Variants in MTUS2 observed in about 807,000 individuals in gnomAD.
MTUS2 encodes microtubule associated scaffold protein 2.
A neutral mutation model predicts 114.1 loss-of-function variants in MTUS2; 40 were observed. That is an observed-to-expected ratio of 0.35 (90% confidence interval 0.27 to 0.46). The LOEUF (loss-of-function observed/expected upper bound fraction) is 0.46. MTUS2 is among the 20% of genes least tolerant of loss of function. MTUS2 has a pLI of 1.00. For synonymous variants in MTUS2, 688 were observed against 672.0 expected (o/e 1.02, Z -0.37); for missense variants, 1,679 against 1,705.4 (o/e 0.98, Z 0.27).
chr13:29,407,785 G>A (rs1475027869), intron 8 of MTUS2, among the ~76,000 whole-genome samples: 1 of 151,952 alleles, frequency 6.6e-6, no homozygotes, highest in Non-Finnish European at 1.5e-5. Flanking sequence ...GGCCCTGATT[G>A]TACTAATTTA....
At chr13:29,314,046 A>G (rs986833972) in intron 6 of MTUS2, among the ~76,000 whole-genome samples, 1 of 152,186 alleles carries the variant, frequency 6.6e-6, no homozygotes, top group African/African-American at 2.4e-5. Flanking sequence ...GGAACTTAAA[A>G]AAAAATGTGC....
intron 5 of MTUS2, among the ~76,000 whole-genome samples, chr13:29,114,436 A>G (rs929561026): frequency 6.6e-6 from 1 of 152,236 alleles, no homozygotes; most frequent in African/African-American, 2.4e-5. Context: ...CCTCATATGT[A>G]AGAGCAGCAG....
chr13:29,114,359 T>G (rs917222213), intron 5 of MTUS2, among the ~76,000 whole-genome samples: 1 of 152,184 alleles, frequency 6.6e-6, no homozygotes, highest in Admixed American at 6.5e-5. Flanking sequence ...AAGTTCATAC[T>G]GTTGATCAGA....
intron 7 of MTUS2, among the ~76,000 whole-genome samples, chr13:29,347,759 G>T (rs1355513179): frequency 1.3e-5 from 2 of 152,198 alleles, no homozygotes; most frequent in East Asian, 3.9e-4. Context: ...AGGTGTGTAT[G>T]TGACCCACAC....
At chr13:29,381,841 C>G (rs1397003175) in intron 8 of MTUS2, among the ~76,000 whole-genome samples, 1 of 146,104 alleles carries the variant, frequency 6.8e-6, no homozygotes, top group Non-Finnish European at 1.5e-5. Context: ...GAACCTCTCC[C>G]TATTTTGATC....
chr13:28,838,646 C>G (rs964267605), intron 1 of MTUS2, among the ~76,000 whole-genome samples: 4 of 152,170 alleles, frequency 2.6e-5, no homozygotes, highest in African/African-American at 7.2e-5. Flanking sequence ...TTTCACCTGC[C>G]CCTGTTAGAG....
intron 4 of MTUS2, among the ~76,000 whole-genome samples, chr13:29,065,749 C>T (rs1307725869): frequency 2.0e-5 from 3 of 152,170 alleles, no homozygotes; most frequent in Non-Finnish European, 4.4e-5. Context: ...AGTCTCACCC[C>T]AGATTCTCTA....
intron 8 of MTUS2, among the ~76,000 whole-genome samples, chr13:29,366,561 C>T (rs1400764515): frequency 2.0e-5 from 3 of 152,212 alleles, no homozygotes; most frequent in Admixed American, 6.5e-5. Context: ...TCTGCCCTTC[C>T]TCAGGGGGTA....
intron 6 of MTUS2, among the ~76,000 whole-genome samples, chr13:29,305,706 G>A (rs189896643): frequency 6.6e-6 from 1 of 152,132 alleles, no homozygotes; most frequent in Non-Finnish European, 1.5e-5. Flanking sequence ...TCTACTAGAT[G>A]TACAAAGAAG....
rs142349132 is a variant in MTUS2, at chr13:28,960,806, C to T, written c.-242-63651C>T. ...GTTGTTGCACAACTTTGTGAATATACTGAAAACCGCTGAATCATATACTTC... is the reference window on the plus strand; with the variant it reads ...GTTGTTGCACAACTTTGTGAATATATTGAAAACCGCTGAATCATATACTTC... On this transcript the variant is annotated intron_variant, in intron 2 of 15. Transcript: ENST00000612955. Among the ~76,000 whole-genome samples, 24 of 152,170 alleles carry T rather than the reference C, an allele frequency of 1.6e-4. No homozygotes were observed. The East Asian group carries it at 3.9e-3, about 24-fold the overall frequency.
chr13:29,270,480 G>T (rs1388978886), intron 5 of MTUS2, among the ~76,000 whole-genome samples: 1 of 152,202 alleles, frequency 6.6e-6, no homozygotes, highest in East Asian at 1.9e-4. Context: ...ATCCCTGAGG[G>T]CTAAGCAGTT....
intron 15 of MTUS2, among the ~76,000 whole-genome samples, chr13:29,502,749 C>A (rs1882991329): frequency 1.3e-5 from 2 of 152,244 alleles, no homozygotes. Context: ...GCCAGTGCCT[C>A]CCCTGACCGG....
At chr13:29,353,090 C>T (rs1332451698) in intron 7 of MTUS2, among the ~76,000 whole-genome samples, 1 of 152,186 alleles carries the variant, frequency 6.6e-6, no homozygotes, top group African/African-American at 2.4e-5. Context: ...GGTTGTATAA[C>T]CCTGCTTGTT....
chr13:29,023,714 C>T (rs61946423), intron 2 of MTUS2, among the ~76,000 whole-genome samples: 2,047 of 152,248 alleles, frequency 0.013, 19 homozygotes, highest in Non-Finnish European at 0.022. Flanking sequence ...ATCCAGGCTC[C>T]GCTGACATTT....
chr13:29,300,548 T>C (rs562461969), intron 6 of MTUS2, among the ~76,000 whole-genome samples: 1 of 152,334 alleles, frequency 6.6e-6, no homozygotes, highest in Non-Finnish European at 1.5e-5. Flanking sequence ...TGGCCCAATT[T>C]CTTAGTATGA....
At chr13:28,953,085 A>G (rs1242703926) in intron 2 of MTUS2, among the ~76,000 whole-genome samples, 1 of 151,920 alleles carries the variant, frequency 6.6e-6, no homozygotes, top group Admixed American at 6.6e-5. Flanking sequence ...TGATTTTTGC[A>G]TCTGGATGGA....
intron 8 of MTUS2, among the ~76,000 whole-genome samples, chr13:29,390,420 G>A (rs546028244): frequency 7.9e-5 from 12 of 151,864 alleles, no homozygotes; most frequent in African/African-American, 2.7e-4. Context: ...TTGGGAGGCC[G>A]AGGCAGGTGG....
At chr13:29,381,820 A>G (rs187317556) in intron 8 of MTUS2, among the ~76,000 whole-genome samples, 1 of 151,512 alleles carries the variant, frequency 6.6e-6, no homozygotes, top group African/African-American at 2.4e-5. Context: ...TGGAGCCTGG[A>G]AAAATGTACA....
intron 8 of MTUS2, among the ~76,000 whole-genome samples, chr13:29,416,941 T>C (rs902454610): frequency 2.0e-5 from 3 of 152,208 alleles, no homozygotes; most frequent in African/African-American, 7.2e-5. Context: ...GCCCTTTCAA[T>C]AGTACGTTTC....
Sources: allele counts gnomAD v4.1 joint callset (sites outside exome capture counted in the v4.1 genomes callset), GRCh38; gene constraint gnomAD v4.1.1; transcripts MANE v1.5; gene names NCBI Gene and HGNC (gene_info 2026-07-23, HGNC 2026-07-21).